RAD51B: variants seen among roughly 807,000 people sequenced by gnomAD.
The protein encoded by RAD51B is RAD51 paralog B, also known as DNA repair protein RAD51 homolog 2.
In RAD51B, 38 loss-of-function variants were observed where a neutral mutation model predicts 42.2. The ratio of observed to expected loss-of-function variants is 0.90; its 90% CI spans 0.70 to 1.18. The LOEUF (loss-of-function observed/expected upper bound fraction) is 1.18. Ranked by LOEUF, RAD51B falls within the 50% of genes most tolerant of loss-of-function variation. RAD51B has a pLI of 0.00. For missense variants in RAD51B, 373 were observed against 400.7 expected (o/e 0.93, Z 0.59); for synonymous variants, 154 against 145.2 (o/e 1.06, Z -0.43).
chr14:68,653,479 T>G (rs756215122), intron 11 of RAD51B, among the ~76,000 whole-genome samples: 2 of 152,222 alleles, frequency 1.3e-5, no homozygotes, highest in Non-Finnish European at 2.9e-5. Context: ...AGTCCAGGGT[T>G]TCTCAACCTC....
chr14:67,912,548 G>A (rs1273379032), intron 7 of RAD51B, among the ~76,000 whole-genome samples: 1 of 152,082 alleles, frequency 6.6e-6, no homozygotes, highest in Admixed American at 6.6e-5. Flanking sequence ...GAGAGAAAGA[G>A]CTCACTGTAA....
At chr14:68,496,885 C>T (rs1344205396) in intron 10 of RAD51B, among the ~76,000 whole-genome samples, 1 of 152,156 alleles carries the variant, frequency 6.6e-6, no homozygotes, top group Non-Finnish European at 1.5e-5. Context: ...TCTCCATGTC[C>T]CCAGTTCTCC....
At chr14:67,862,251 A>T (rs1317699082) in intron 4 of RAD51B, among the ~76,000 whole-genome samples, 1 of 152,028 alleles carries the variant, frequency 6.6e-6, no homozygotes, top group African/African-American at 2.4e-5. Context: ...TGAACTCCAT[A>T]AATATATATT....
chr14:67,977,121 G>A (rs1411055643), intron 7 of RAD51B, among the ~76,000 whole-genome samples: 2 of 152,130 alleles, frequency 1.3e-5, no homozygotes, highest in Non-Finnish European at 2.9e-5. Context: ...ACCAAACAGT[G>A]CCTTTCTTTA....
intron 11 of RAD51B, among the ~76,000 whole-genome samples, chr14:68,658,280 A>T (rs1017525346): frequency 6.6e-6 from 1 of 152,200 alleles, no homozygotes; most frequent in Non-Finnish European, 1.5e-5. Flanking sequence ...TACCAGTGCC[A>T]TGTCAGTGGG....
At position 67,893,516 on chromosome 14, in the gene RAD51B, A is replaced by AAAAAC. The variant is rs1485994919; in HGVS notation, c.756+6314_756+6315insAACAA. 9.2e-4 allele frequency among the ~76,000 whole-genome samples: 95 copies of AAAAAC among 102,846 alleles called. 5 individuals are homozygous for AAAAAC. The highest frequency in any genetic ancestry group is 1.9e-3 in the South Asian group (7 of 3,604). 67.5% of individuals were successfully genotyped at this position (102,846 alleles called of 152,430 possible). A position where few individuals can be genotyped will look rare whatever the true frequency, so the allele number is the denominator to read the frequency against. Reference sequence around the variant, plus strand: ...CACACACACACACACACACAAAAAAAAACAATTAGCTGGGTGTGGTGCTAC... The same window carrying AAAAAC: ...CACACACACACACACACACAAAAAAAAAAACAACAATTAGCTGGGTGTGGTGCTAC... On this transcript the variant is annotated intron_variant, in intron 7 of 10. Coordinates refer to ENST00000471583, the MANE Select transcript of RAD51B (RefSeq NM_133510.4).
At chr14:68,551,006 A>G (rs1012942645) in intron 10 of RAD51B, among the ~76,000 whole-genome samples, 2 of 152,186 alleles carry the variant, frequency 1.3e-5, no homozygotes, top group Non-Finnish European at 2.9e-5. Context: ...GAGGGGGTAC[A>G]AAAGTTTCAA....
intron 7 of RAD51B, among the ~76,000 whole-genome samples, chr14:68,177,108 A>G (rs1235777690): frequency 6.6e-6 from 1 of 152,206 alleles, no homozygotes; most frequent in African/African-American, 2.4e-5. Flanking sequence ...TTCTGAGAAA[A>G]GTTTTTCTTC....
At position 68,578,866 on chromosome 14, in the gene RAD51B, C is replaced by A. The variant is rs190843214; in HGVS notation, c.1037-15619C>A. On this transcript the variant is annotated intron_variant, in intron 10 of 10. Transcript: ENST00000487270. Reference sequence around the variant, plus strand: ...GGTGTGTCATTCGACCTTCCCAAGACCTAGCTCTCTGGAAATATCAAGGGT... The same window carrying A: ...GGTGTGTCATTCGACCTTCCCAAGAACTAGCTCTCTGGAAATATCAAGGGT... 3.9e-3 allele frequency among the ~76,000 whole-genome samples: 587 copies of A among 152,310 alleles called. 2 individuals carry two copies. The highest frequency in any genetic ancestry group is 6.8e-3 in the Middle Eastern group (2 of 294).
chr14:67,831,166 C>T (rs548563681), intron 3 of RAD51B, among the ~76,000 whole-genome samples: 2 of 152,148 alleles, frequency 1.3e-5, no homozygotes, highest in East Asian at 3.9e-4. Context: ...TGAACCACCG[C>T]CCCCGGCCAG....
At chr14:67,855,637 C>T (rs925100750) in intron 4 of RAD51B, among the ~76,000 whole-genome samples, 26 of 152,140 alleles carry the variant, frequency 1.7e-4, no homozygotes, top group East Asian at 1.9e-4. Flanking sequence ...CCTATAAGCA[C>T]GAGCCATGTA....
At chr14:68,250,691 G>C (rs930726685) in intron 7 of RAD51B, among the ~76,000 whole-genome samples, 2 of 152,138 alleles carry the variant, frequency 1.3e-5, no homozygotes, top group Non-Finnish European at 2.9e-5. Context: ...CAGGACAACC[G>C]GCATTAATTC....
chr14:67,944,487 C>T (rs946768804), intron 7 of RAD51B, among the ~76,000 whole-genome samples: 37 of 152,046 alleles, frequency 2.4e-4, no homozygotes, highest in Non-Finnish European at 4.9e-4. Flanking sequence ...TGAACCATAT[C>T]AATATGACTA....
intron 9 of RAD51B, among the ~76,000 whole-genome samples, chr14:68,465,792 T>G (rs567285984): frequency 4.0e-5 from 6 of 151,798 alleles, no homozygotes; most frequent in African/African-American, 1.4e-4. Flanking sequence ...ATATAAAAAA[T>G]TAGCTGGGTG....
At chr14:68,562,560 C>T (rs1889209563) in intron 10 of RAD51B, 1 of 985,456 alleles carries the variant, frequency 1.0e-6, no homozygotes, top group Non-Finnish European at 1.2e-6. Context: ...GGCAAACTAA[C>T]TCCTTTTGTG....
At chr14:68,076,707 T>G (rs958056908) in intron 7 of RAD51B, among the ~76,000 whole-genome samples, 3 of 152,220 alleles carry the variant, frequency 2.0e-5, no homozygotes, top group African/African-American at 7.2e-5. Context: ...TTGAAGAATA[T>G]GTATGATATT....
In RAD51B at chr14:67,865,213, G is replaced by A. The variant is rs1275085504; in HGVS notation, c.452+74G>A. ...TACAGCATGAAACATTTACACATAGGTTAACATTTACCACCCCTCCCCCTT... is the reference window on the plus strand; with the variant it reads ...TACAGCATGAAACATTTACACATAGATTAACATTTACCACCCCTCCCCCTT... On this transcript the variant is annotated intron_variant, in intron 5 of 10. Coordinates refer to ENST00000471583, the MANE Select transcript of RAD51B (RefSeq NM_133510.4). The A allele has an allele frequency of 3.9e-6, 5 of 1,295,438 alleles. No homozygotes were observed. The Admixed American group carries it at 1.4e-4, about 35-fold the overall frequency. 80.2% of individuals were successfully genotyped at this position (1,295,438 alleles called of 1,614,324 possible).
chr14:68,344,271 C>T (rs2082626947), intron 8 of RAD51B, among the ~76,000 whole-genome samples: 1 of 152,258 alleles, frequency 6.6e-6, no homozygotes, highest in Admixed American at 6.5e-5. Context: ...TCCTGCAAAG[C>T]CACAGGGACA....
At chr14:68,541,217 C>G (rs550915560) in intron 10 of RAD51B, 8 of 985,310 alleles carry the variant, frequency 8.1e-6, no homozygotes, top group Non-Finnish European at 8.4e-6. Flanking sequence ...CAGCTCCGTT[C>G]GGGCTCCTCT....
Sources: gnomAD v4.1 joint callset for allele counts (sites outside exome capture counted in the v4.1 genomes callset) on GRCh38, gnomAD v4.1.1 for gene constraint, MANE v1.5 for transcripts, NCBI Gene and HGNC (gene_info 2026-07-23, HGNC 2026-07-21) for gene names.